Variants in UNC45A observed in about 807,000 individuals in gnomAD.
UNC45A encodes protein unc-45 homolog A.
UNC45A carries 78 observed loss-of-function variants against 103.2 expected under a neutral mutation model. The observed-to-expected ratio is 0.76, with a 90% CI of 0.63 to 0.91. The LOEUF (loss-of-function observed/expected upper bound fraction) is 0.91. Among genes scored for constraint, UNC45A ranks in the 40% least tolerant of loss-of-function variants. The pLI is 0.00. For missense variants in UNC45A, 1,193 were observed against 1,224.8 expected, an observed-to-expected ratio of 0.97 and a Z score of 0.39; for synonymous variants, 495 against 504.6, an observed-to-expected ratio of 0.98 and a Z score of 0.25.
upstream of UNC45A, chr15:90,932,303 TA>T: frequency 1.2e-6 from 1 of 810,466 alleles, no homozygotes; most frequent in Middle Eastern, 3.3e-4. Context: ...TTATGAGGCT[TA>T]AACGGTATAT....
intron 2 of UNC45A, 23 bp from the exon 3 acceptor site, chr15:90,935,923 A>G (rs374667793): frequency 2.8e-5 from 45 of 1,613,876 alleles, no homozygotes; most frequent in Non-Finnish European, 3.7e-5. Flanking sequence ...CCATTCCTTC[A>G]GGCTCCTGTC....
intron 5 of UNC45A, 123 bp from the exon 6 acceptor site, chr15:90,940,183 G>T: frequency 2.9e-6 from 3 of 1,039,400 alleles, no homozygotes; most frequent in Non-Finnish European, 2.8e-6. Flanking sequence ...GTTATTTTTT[G>T]GCCGTGGTCA....
rs2036228834 is a variant in UNC45A at position 90,940,357 on chromosome 15, A to G, written c.571A>G (p.Ile191Val). 2.5e-6 allele frequency: 4 copies of G among 1,614,128 alleles called. No homozygotes were observed. The highest frequency in any genetic ancestry group is 1.7e-4 in the Middle Eastern group (1 of 6,058). Residue 191 changes from isoleucine (I) to valine (V), a missense_variant, in exon 6 of 20, where the codon ATC becomes GTC. Physicochemically the swap from Ile to Val is conservative, Grantham distance 29. Transcript: ENST00000418476. Reference protein sequence around the residue: ...LAREDAGAEKIFRSNGVQLLQ... With the variant: ...LAREDAGAEKVFRSNGVQLLQ... The stretch of plus-strand genomic sequence containing the variant: ...CAGGGAGGATGCTGGAGCGGAGAAG[A>G]TCTTCCGGAGTAATGGGGTTCAGCT...
At chr15:90,931,556 A>G, upstream of UNC45A, 1 of 1,614,142 alleles carries the variant, frequency 6.2e-7, no homozygotes, top group South Asian at 1.1e-5. Context: ...TTGTATTTTT[A>G]CTGTATGAAA....
chr15:90,945,923 AGG>A (rs2036542082), intron 9 of UNC45A, among the ~76,000 whole-genome samples: 1 of 130 alleles, frequency 7.7e-3, no homozygotes, highest in South Asian at 0.25. Flanking sequence ...TACAGGCATG[AGG>A]ACCGCGTCCA....
chr15:90,947,716 G>C, intron 10 of UNC45A, 80 bp from the exon 11 acceptor site: 2 of 1,003,388 alleles, frequency 2.0e-6, no homozygotes, highest in Middle Eastern at 5.1e-4. Context: ...GTGCCAGGGA[G>C]GGAGTCCAAG....
intron 13 of UNC45A, 141 bp from the exon 14 acceptor site, chr15:90,949,175 C>T (rs2036750741): frequency 1.6e-6 from 2 of 1,263,554 alleles, no homozygotes; most frequent in Non-Finnish European, 2.2e-6. Context: ...CGTGCCCAGC[C>T]AACAGCCTCC....
chr15:90,949,305 T>C lies in UNC45A; in HGVS notation c.1879-11T>C. 6.2e-7 allele frequency: 1 copy of C among 1,609,728 alleles called. No individual in the cohort carries two copies. Among genetic ancestry groups the C allele is most frequent in the Non-Finnish European group, 8.5e-7 (1 of 1,179,792 alleles). On this transcript the variant is annotated splice_polypyrimidine_tract_variant and intron_variant, in intron 13 of 19. Coordinates refer to ENST00000418476, the MANE Select transcript of UNC45A (RefSeq NM_018671.5). The stretch of plus-strand genomic sequence containing the variant: ...GCCTAGGCCCCTCTCCTAAGCTGCC[T>C]CCTCCCCCAGGACAAGCCAAGCTTC...
rs1321539782 is a variant in UNC45A, at chr15:90,943,007, C to T, written c.952C>T (p.Leu318Phe). The stretch of plus-strand genomic sequence containing the variant: ...CCAAGGCCGAGACAATGCCCTGACC[C>T]TCCTGATTAAAGCGGTGCCCCGGAA... ...SGQGRDNALT[L>F]LIKAVPRKSL... The change falls in exon 8 of 20, where the codon CTC becomes TTC. Residue 318 changes from leucine (L) to phenylalanine (F), a missense_variant. By Grantham distance (22) the Leu-to-Phe change is conservative (BLOSUM62 0). Coordinates refer to ENST00000418476, the MANE Select transcript of UNC45A (RefSeq NM_018671.5). 6.2e-6 allele frequency: 10 copies of T among 1,614,098 alleles called. No homozygotes were observed. Among genetic ancestry groups the T allele is most frequent in the Non-Finnish European group, 8.5e-6 (10 of 1,180,038 alleles).
intron 17 of UNC45A, among the ~76,000 whole-genome samples, chr15:90,951,384 G>A (rs1449940383): frequency 6.6e-6 from 1 of 152,200 alleles, no homozygotes; most frequent in Non-Finnish European, 1.5e-5. Flanking sequence ...CTGCAAAACA[G>A]TAGTGATGAT....
rs767589415 is a variant in UNC45A at position 90,946,665 on chromosome 15, G to T, written c.1251G>T (p.Thr417=). The T allele has an allele frequency of 4.3e-6, 7 of 1,612,136 alleles. No individual in the cohort carries two copies. Among genetic ancestry groups the T allele is most frequent in the Non-Finnish European group, 5.9e-6 (7 of 1,179,914 alleles). ...CCGGGAAGCTACGGGCCATCCAGACGGTGTCCTGCCTCCTGCAGGGCCCAT... is the reference window on the plus strand; with the variant it reads ...CCGGGAAGCTACGGGCCATCCAGACTGTGTCCTGCCTCCTGCAGGGCCCAT... ...GLAGKLRAIQ[T]VSCLLQGPCD... is the part of the protein sequence containing the mutation. Residue 417 remains threonine, a synonymous_variant, in exon 10 of 20, where the codon ACG becomes ACT. Coordinates refer to ENST00000418476, the MANE Select transcript of UNC45A (RefSeq NM_018671.5).
chr15:90,934,213 G>A, upstream of UNC45A: 1 of 399,598 alleles, frequency 2.5e-6, no homozygotes, highest in Middle Eastern at 6.3e-4. Context: ...TGGAACTGAT[G>A]GGGATGGGTG....
At position 90,935,333 on chromosome 15, in the gene UNC45A, G is replaced by C; in HGVS notation, c.9G>C (p.Val3=). ...GAGACAACCTCTCCGCGATGACTGT[G>C]AGTGGTCCAGGGACCCCCGAGCCCC... MT[V]SGPGTPEPRP... is the part of the protein sequence containing the mutation. Residue 3 remains valine, a synonymous_variant, in exon 1 of 20, where the codon GTG becomes GTC. Coordinates refer to ENST00000418476, the MANE Select transcript of UNC45A (RefSeq NM_018671.5). 1 of 1,604,692 alleles carries C rather than the reference G, an allele frequency of 6.2e-7. No homozygotes were observed. The highest frequency in any genetic ancestry group is 8.5e-7 in the Non-Finnish European group (1 of 1,176,996).
chr15:90,935,736 C>A (rs1363980677), intron 2 of UNC45A, 31 bp downstream of exon 2: 1 of 1,534,346 alleles, frequency 6.5e-7, no homozygotes, highest in South Asian at 1.3e-5. Flanking sequence ...TCCCCTCGCC[C>A]GCCCGGGCCC....
chr15:90,930,795 G>C (rs895449344), upstream of UNC45A: 14 of 175,246 alleles, frequency 8.0e-5, no homozygotes, highest in African/African-American at 3.3e-4. Flanking sequence ...AGGAAGCCAG[G>C]TTCGGAGGGG....
chr15:90,936,497 G>A, intron 4 of UNC45A, 37 bp downstream of exon 4: 1 of 1,606,016 alleles, frequency 6.2e-7, no homozygotes. Flanking sequence ...AGCATTGACT[G>A]GTGGTGAAGG....
upstream of UNC45A, chr15:90,931,560 T>C: frequency 1.2e-6 from 2 of 1,614,234 alleles, no homozygotes; most frequent in Admixed American, 1.7e-5. Context: ...ATTTTTACTG[T>C]ATGAAAGAAG....
Position 90,949,886 on chromosome 15 carries a change from C to T in UNC45A, c.2073+166C>T, listed in dbSNP as rs530523693. On this transcript the variant is annotated intron_variant, in intron 15 of 19. Transcript: ENST00000418476. Reference sequence around the variant, plus strand: ...GAGTGACGCGGAAGCAGGCAAGCTCCTTGGCCCCTCCACACTGGTGCCTGT... The same window carrying T: ...GAGTGACGCGGAAGCAGGCAAGCTCTTTGGCCCCTCCACACTGGTGCCTGT... 1.2e-3 allele frequency: 958 copies of T among 768,572 alleles called. 2 individuals carry two copies. The highest frequency in any genetic ancestry group is 1.8e-3 in the Non-Finnish European group (867 of 469,274). The allele number at this position is 768,572 out of a possible 1,614,324, so 47.6% of individuals were successfully genotyped here. A position where few individuals can be genotyped will look rare whatever the true frequency, so the allele number is the denominator to read the frequency against.
upstream of UNC45A, chr15:90,931,149 CT>C (rs2035774956): frequency 2.2e-5 from 26 of 1,202,372 alleles, no homozygotes; most frequent in East Asian, 2.6e-5. Flanking sequence ...AAATGCAAGT[CT>C]TTTTTTGGCC....
Sources: gnomAD v4.1 joint callset for allele counts (sites outside exome capture counted in the v4.1 genomes callset) on GRCh38, gnomAD v4.1.1 for gene constraint, MANE v1.5 for transcripts, NCBI Gene and HGNC (gene_info 2026-07-23, HGNC 2026-07-21) for gene names.